Variants in ADCYAP1R1 observed in about 807,000 individuals in gnomAD.
The protein encoded by ADCYAP1R1 is ADCYAP receptor type I, also known as pituitary adenylate cyclase-activating polypeptide type I receptor.
ADCYAP1R1 carries 44 observed loss-of-function variants against 67.6 expected under a neutral mutation model. The ratio of observed to expected loss-of-function variants is 0.65; its 90% CI spans 0.51 to 0.84. The LOEUF (loss-of-function observed/expected upper bound fraction) is 0.84, where lower values mean the gene tolerates loss of function less well. Ranked by LOEUF, ADCYAP1R1 falls within the 40% of genes least tolerant of loss-of-function variation. The pLI, the probability that ADCYAP1R1 is intolerant of heterozygous loss-of-function variation, is 0.00. For missense variants in ADCYAP1R1, 477 were observed against 587.9 expected (o/e 0.81, Z 1.95); for synonymous variants, 222 against 219.6 (o/e 1.01, Z -0.10).
intron 12 of ADCYAP1R1, among the ~76,000 whole-genome samples, chr7:31,091,514 T>C (rs1795959315): frequency 6.6e-6 from 1 of 152,228 alleles, no homozygotes; most frequent in South Asian, 2.1e-4. Flanking sequence ...TGGTGGTTCC[T>C]AGGTTTTCTT....
In ADCYAP1R1 at chr7:31,086,127, A is replaced by T. The variant is rs1795734456; in HGVS notation, c.670-257A>T. Reference sequence around the variant, plus strand: ...TAGGGAAGGAGCAGGAAAGTGAAGGAGGATGAGCTGGTGGTGGGGAGGCTC... The same window carrying T: ...TAGGGAAGGAGCAGGAAAGTGAAGGTGGATGAGCTGGTGGTGGGGAGGCTC... On this transcript the variant is annotated intron_variant, in intron 9 of 15. Coordinates refer to ENST00000304166, the MANE Select transcript of ADCYAP1R1 (RefSeq NM_001118.5). This position sits in a 1 kb window ranked among gnomAD's most constrained non-coding sequence, Gnocchi z 5.0. 6.6e-6 allele frequency among the ~76,000 whole-genome samples: 1 copy of T among 152,198 alleles called. No individual in the cohort carries two copies. The highest frequency in any genetic ancestry group is 6.5e-5 in the Admixed American group (1 of 15,282).
intron 15 of ADCYAP1R1, 68 bp downstream of exon 15, chr7:31,104,977 C>A (rs1215295150): frequency 6.6e-7 from 1 of 1,517,780 alleles, no homozygotes; most frequent in East Asian, 2.3e-5. Flanking sequence ...ACAGGGGAAC[C>A]ACCTGTTGGC....
In ADCYAP1R1 at chr7:31,103,312, G is replaced by C; in HGVS notation, c.1122G>C (p.Glu374Asp). Residue 374 changes from glutamate (E) to aspartate (D), a missense_variant, in exon 14 of 16, where the codon GAG (glutamate) becomes GAC (aspartate). Transcript: ENST00000304166. ...IHYTVFAFSP[E>D]NVSKRERLVF... ...ACACAGTATTTGCCTTCTCCCCAGA[G>C]AATGTCAGCAAAAGGGAAAGACTCG... 6.2e-7 allele frequency: 1 copy of C among 1,614,232 alleles called. No homozygotes were observed. The highest frequency in any genetic ancestry group is 8.5e-7 in the Non-Finnish European group (1 of 1,180,032).
At chr7:31,059,767 G>A (rs1291038886) in intron 1 of ADCYAP1R1, among the ~76,000 whole-genome samples, 2 of 152,160 alleles carry the variant, frequency 1.3e-5, no homozygotes, top group African/African-American at 4.8e-5. Context: ...CAGGGTTGCG[G>A]TGGGGGCAGA....
chr7:31,108,955 G>A lies in ADCYAP1R1; in HGVS notation c.*2271G>A, dbSNP rs1796750880. ...GATGCAGTCATATATACCTTGCTGG[G>A]GTGGGGTGCCACCTCCAGTGGCCAG... On this transcript the variant is annotated 3_prime_UTR_variant, in exon 16 of 16. Coordinates refer to ENST00000304166, the MANE Select transcript of ADCYAP1R1 (RefSeq NM_001118.5). 6.6e-6 allele frequency: 1 copy of A among 152,198 alleles called. No homozygotes were observed. Among genetic ancestry groups the A allele is most frequent in the East Asian group, 1.9e-4 (1 of 5,188 alleles). 9.4% of individuals were successfully genotyped at this position (152,198 alleles called of 1,614,324 possible).
chr7:31,060,701 T>A (rs567018013), intron 1 of ADCYAP1R1, among the ~76,000 whole-genome samples: 2 of 151,910 alleles, frequency 1.3e-5, no homozygotes, highest in South Asian at 2.1e-4. Context: ...TTTGTGTGTG[T>A]GAGAGAGAGA....
chr7:31,081,206 T>C (rs1308618600), intron 5 of ADCYAP1R1, among the ~76,000 whole-genome samples: 1 of 151,636 alleles, frequency 6.6e-6, no homozygotes, highest in Non-Finnish European at 1.5e-5. Context: ...AAGAAAAGGG[T>C]GGAAATGGGA....
chr7:31,090,796 C>A (rs1209022982), intron 12 of ADCYAP1R1, among the ~76,000 whole-genome samples: 2 of 152,218 alleles, frequency 1.3e-5, no homozygotes, highest in African/African-American at 4.8e-5. Flanking sequence ...ATACGTGCCA[C>A]ATTTTCTTTA....
At chr7:31,094,535 G>A (rs1796106631) in intron 13 of ADCYAP1R1, among the ~76,000 whole-genome samples, 1 of 152,000 alleles carries the variant, frequency 6.6e-6, no homozygotes, top group African/African-American at 2.4e-5. Flanking sequence ...CCCCTTCCTG[G>A]TAGGATTTGT....
At chr7:31,079,793 T>C (rs567550828) in intron 4 of ADCYAP1R1, among the ~76,000 whole-genome samples, 2 of 152,184 alleles carry the variant, frequency 1.3e-5, no homozygotes, top group South Asian at 2.1e-4. Flanking sequence ...GGCATTGAAC[T>C]CTCCCATCTG....
intron 5 of ADCYAP1R1, among the ~76,000 whole-genome samples, chr7:31,081,434 C>T (rs1353253460): frequency 1.3e-5 from 2 of 152,198 alleles, no homozygotes; most frequent in African/African-American, 4.8e-5. Flanking sequence ...GCCCTCCCAT[C>T]CTCCTGGCAG....
chr7:31,078,194 G>A (rs1489560100), intron 4 of ADCYAP1R1, 96 bp downstream of exon 4: 6 of 905,520 alleles, frequency 6.6e-6, no homozygotes, highest in Non-Finnish European at 1.0e-5. Flanking sequence ...CCACCCTGTG[G>A]GCAGACAGTC....
Position 31,086,847 on chromosome 7 carries a change from G to A in ADCYAP1R1, c.824-96G>A. On this transcript the variant is annotated intron_variant, in intron 10 of 15. Coordinates refer to ENST00000304166, the MANE Select transcript of ADCYAP1R1 (RefSeq NM_001118.5). This position sits in a 1 kb window ranked among gnomAD's most constrained non-coding sequence, Gnocchi z 5.0. ...AATTCCCAGGAATTCCAAGTCTCAT[G>A]GGGGAGCAATAGCCTCTCGGAGCCC... 1.5e-6 allele frequency: 2 copies of A among 1,307,066 alleles called. No individual in the cohort carries two copies. Among genetic ancestry groups the A allele is most frequent in the East Asian group, 2.3e-5 (1 of 43,394 alleles). The allele number at this position is 1,307,066 out of a possible 1,614,324, so 81.0% of individuals were successfully genotyped here. A position where few individuals can be genotyped will look rare whatever the true frequency, so the allele number is the denominator to read the frequency against.
intron 3 of ADCYAP1R1, among the ~76,000 whole-genome samples, chr7:31,065,302 C>G (rs1490117744): frequency 6.6e-6 from 1 of 152,210 alleles, no homozygotes; most frequent in Admixed American, 6.5e-5. Context: ...AGCTGTACAG[C>G]ACTTGGTCAA....
chr7:31,103,299 C>G lies in ADCYAP1R1; in HGVS notation c.1109C>G (p.Ala370Gly). The G allele has an allele frequency of 6.2e-7, 1 of 1,614,202 alleles. No homozygotes were observed. The highest frequency in any genetic ancestry group is 8.5e-7 in the Non-Finnish European group (1 of 1,180,036). The change falls in exon 14 of 16, where the codon GCC becomes GGC. Residue 370 changes from alanine to glycine, a missense_variant. Physicochemically the swap from Ala to Gly is moderately conservative, Grantham distance 60. Transcript: ENST00000304166. ...PLFGIHYTVF[A>G]FSPENVSKRE... ...TTCGGAATCCACTACACAGTATTTGCCTTCTCCCCAGAGAATGTCAGCAAA... is the reference window on the plus strand; with the variant it reads ...TTCGGAATCCACTACACAGTATTTGGCTTCTCCCCAGAGAATGTCAGCAAA...
intron 12 of ADCYAP1R1, 48 bp downstream of exon 12, chr7:31,087,744 C>A (rs774415208): frequency 2.0e-6 from 3 of 1,490,020 alleles, no homozygotes; most frequent in Non-Finnish European, 9.3e-7. Context: ...GGGTCTTGGG[C>A]AGAAAGGCAC....
At chr7:31,072,508 C>G (rs1795032372) in intron 3 of ADCYAP1R1, among the ~76,000 whole-genome samples, 1 of 152,206 alleles carries the variant, frequency 6.6e-6, no homozygotes, top group African/African-American at 2.4e-5. Context: ...CTGTCTGACA[C>G]AGGACTCCTC....
Position 31,085,421 on chromosome 7 carries a change from C to T in ADCYAP1R1, c.648C>T (p.Ser216=). The T allele has an allele frequency of 6.2e-7, 1 of 1,613,456 alleles. No homozygotes were observed. Among genetic ancestry groups the T allele is most frequent in the South Asian group, 1.1e-5 (1 of 91,032 alleles). The change falls in exon 9 of 16, where the codon AGC becomes AGT. Residue 216 remains serine, a synonymous_variant. Transcript: ENST00000304166. ...KDWILYAEQD[S]NHCFISTVEC... ...GGATTCTGTATGCGGAGCAGGACAG[C>T]AACCACTGCTTCATCTCCACTGTGA...
intron 3 of ADCYAP1R1, among the ~76,000 whole-genome samples, chr7:31,070,809 A>G (rs1436268849): frequency 6.6e-6 from 1 of 152,224 alleles, no homozygotes; most frequent in Non-Finnish European, 1.5e-5. Flanking sequence ...TTTCTGATTC[A>G]GTAGATCTGG....
Sources: gnomAD v4.1 joint callset for allele counts (sites outside exome capture counted in the v4.1 genomes callset) on GRCh38, gnomAD v4.1.1 for gene constraint, Gnocchi (gnomAD v3.1) non-coding constraint, MANE v1.5 for transcripts, NCBI Gene and HGNC (gene_info 2026-07-23, HGNC 2026-07-21) for gene names.